Variants in OPCML observed in about 807,000 individuals in gnomAD.
OPCML encodes opioid binding protein/cell adhesion molecule like, also known as opioid-binding protein/cell adhesion molecule.
In OPCML, 13 loss-of-function variants were observed where a neutral mutation model predicts 37.8. The ratio of observed to expected loss-of-function variants is 0.34; its 90% confidence interval spans 0.22 to 0.55. The LOEUF (loss-of-function observed/expected upper bound fraction) is 0.55. Among genes scored for constraint, OPCML ranks in the 20% least tolerant of loss-of-function variants. The pLI is 0.91. For missense variants in OPCML, 341 were observed against 435.6 expected, an observed-to-expected ratio of 0.78 and a Z score of 1.93; for synonymous variants, 176 against 168.8, an observed-to-expected ratio of 1.04 and a Z score of -0.33.
At chr11:132,815,914 G>C (rs974381740) in intron 2 of OPCML, among the ~76,000 whole-genome samples, 1 of 152,210 alleles carries the variant, frequency 6.6e-6, no homozygotes, top group Non-Finnish European at 1.5e-5. Flanking sequence ...ATGTGCACAA[G>C]GAAGATAAGA....
rs576159064 is a variant in OPCML at position 133,144,174 on chromosome 11, CAG to C, written c.62-201166_62-201165del. ...ACGAATGCTTCAGTCACTAGAAAAA[CAG>C]GGAAAAAACAGCAGCCCATCTCTGC... is the stretch of plus-strand genomic sequence containing the variant. On this transcript the variant is annotated intron_variant, in intron 1 of 7. Transcript: ENST00000524381. Among the ~76,000 whole-genome samples, 95 of 152,256 alleles carry C rather than the reference CAG, an allele frequency of 6.2e-4. 1 individual carries two copies. In the Middle Eastern group the frequency reaches 0.027, roughly 44 times the overall value.
At chr11:133,484,373 T>C (rs1947484404) in intron 1 of OPCML, among the ~76,000 whole-genome samples, 1 of 152,070 alleles carries the variant, frequency 6.6e-6, no homozygotes. Flanking sequence ...ATATCTAGGT[T>C]TCTAAATTCA....
rs536140976 is a variant in OPCML, at chr11:132,658,014, T to A, written c.147-695A>T. Among the ~76,000 whole-genome samples the A allele has an allele frequency of 5.3e-5, 8 of 152,290 alleles. No individual in the cohort carries two copies. In the East Asian group the frequency reaches 1.5e-3, roughly 29 times the overall value. ...AGGCTATTATCAAAGCAGGGAACTG[T>A]GCAACACCTCTCACCTACTCTCCTT... On this transcript the variant is annotated intron_variant, in intron 2 of 7. Transcript: ENST00000524381.
At position 132,495,177 on chromosome 11, in the gene OPCML, C is replaced by CA. The variant is rs1482847285; in HGVS notation, c.505+33883dup. 5.3e-5 allele frequency among the ~76,000 whole-genome samples: 8 copies of CA among 152,132 alleles called. No homozygotes were observed. The East Asian group carries it at 1.5e-3, about 29-fold the overall frequency. The stretch of plus-strand genomic sequence containing the variant: ...GTAATCCCTTCTGTTCCATTTTACC[C>CA]AAAAAACATTTATTGAGCCTTCATC... On this transcript the variant is annotated intron_variant, in intron 4 of 7. Transcript: ENST00000524381.
At chr11:133,291,828 G>T (rs1400344628) in intron 1 of OPCML, among the ~76,000 whole-genome samples, 1 of 152,294 alleles carries the variant, frequency 6.6e-6, no homozygotes, top group Non-Finnish European at 1.5e-5. Context: ...AAGTTCAGGT[G>T]GTTCTTTTCA....
chr11:132,934,605 A>C (rs1412098714), intron 2 of OPCML, among the ~76,000 whole-genome samples: 1 of 151,930 alleles, frequency 6.6e-6, no homozygotes, highest in Non-Finnish European at 1.5e-5. Context: ...CAGTAATTCC[A>C]CTTGAGGTTT....
intron 1 of OPCML, chr11:133,004,219 T>G: frequency 1.0e-6 from 1 of 985,464 alleles, no homozygotes; most frequent in Non-Finnish European, 1.2e-6. Flanking sequence ...TGAGAGTCAC[T>G]TTCCATTGCC....
rs950932544 is a variant in OPCML at position 133,420,550 on chromosome 11, A to T, written c.61+111714T>A. 3 of 983,300 alleles carry T rather than the reference A, an allele frequency of 3.1e-6. No individual in the cohort carries two copies. In the African/African-American group the frequency reaches 5.2e-5, roughly 17 times the overall value. 60.9% of individuals were successfully genotyped at this position (983,300 alleles called of 1,614,324 possible). ...TTCTAATTTAGATCCATCTGCAAACATCATTAACATGCTATTTACTCCCTC... is the reference window on the plus strand; with the variant it reads ...TTCTAATTTAGATCCATCTGCAAACTTCATTAACATGCTATTTACTCCCTC... On this transcript the variant is annotated intron_variant, in intron 1 of 7. Transcript: ENST00000524381.
chr11:133,498,420 G>A (rs1169649058), intron 1 of OPCML, among the ~76,000 whole-genome samples: 3 of 152,182 alleles, frequency 2.0e-5, no homozygotes, highest in South Asian at 2.1e-4. Flanking sequence ...GGACACAGAC[G>A]AGACCCAGAA....
intron 1 of OPCML, among the ~76,000 whole-genome samples, chr11:133,495,221 C>A (rs905586200): frequency 3.9e-5 from 6 of 152,222 alleles, no homozygotes; most frequent in Admixed American, 2.0e-4. Flanking sequence ...CAGGTCACTG[C>A]AAATGCCATT....
intron 1 of OPCML, among the ~76,000 whole-genome samples, chr11:133,207,883 A>G (rs1939164739): frequency 6.6e-6 from 1 of 152,024 alleles, no homozygotes; most frequent in Non-Finnish European, 1.5e-5. Flanking sequence ...TCTACTGTGG[A>G]CTTTTTGGAC....
intron 2 of OPCML, among the ~76,000 whole-genome samples, chr11:132,825,474 A>G (rs1260025999): frequency 2.0e-5 from 3 of 152,176 alleles, no homozygotes; most frequent in African/African-American, 7.2e-5. Context: ...GAACCCATCT[A>G]TGCCTCCATT....
intron 3 of OPCML, among the ~76,000 whole-genome samples, chr11:132,654,892 G>C (rs1034012130): frequency 1.3e-5 from 2 of 151,648 alleles, no homozygotes; most frequent in Non-Finnish European, 1.5e-5. Flanking sequence ...CAGAGGGCTG[G>C]AGCCAGAGAG....
intron 2 of OPCML, among the ~76,000 whole-genome samples, chr11:132,787,009 T>C (rs1947236483): frequency 6.6e-6 from 1 of 152,132 alleles, no homozygotes. Flanking sequence ...AGAAGGCCTG[T>C]CAAACACAGA....
At chr11:133,385,512 C>G (rs1945026048) in intron 1 of OPCML, among the ~76,000 whole-genome samples, 1 of 152,194 alleles carries the variant, frequency 6.6e-6, no homozygotes, top group Non-Finnish European at 1.5e-5. Flanking sequence ...CCCCATTTTC[C>G]AGCCTGGTGC....
chr11:133,206,204 T>C lies in OPCML; in HGVS notation c.62-263194A>G, dbSNP rs1230833300. ...GCTTCCCATGGTGCCTAAAACGTCA[T>C]CAATGCTCAATGAATGCGAGCAGTA... is the stretch of plus-strand genomic sequence containing the variant. On this transcript the variant is annotated intron_variant, in intron 1 of 7. Coordinates refer to ENST00000524381, the MANE Select transcript of OPCML (RefSeq NM_001012393.5). The surrounding 1 kb of genome is among the most constrained non-coding windows in gnomAD (Gnocchi z 4.7). Among the ~76,000 whole-genome samples, 1 of 152,172 alleles carries C rather than the reference T, an allele frequency of 6.6e-6. No individual in the cohort carries two copies. The highest frequency in any genetic ancestry group is 1.5e-5 in the Non-Finnish European group (1 of 68,018).
chr11:133,374,840 A>T (rs1944762613), intron 1 of OPCML, among the ~76,000 whole-genome samples: 1 of 152,014 alleles, frequency 6.6e-6, no homozygotes. Flanking sequence ...TCTTTCTCCC[A>T]CTGCCCACTT....
intron 3 of OPCML, among the ~76,000 whole-genome samples, chr11:132,542,534 C>T (rs2096359329): frequency 6.6e-6 from 1 of 152,154 alleles, no homozygotes; most frequent in Admixed American, 6.5e-5. Flanking sequence ...CACCCAACCT[C>T]TCTGAGCCTC....
intron 1 of OPCML, among the ~76,000 whole-genome samples, chr11:133,336,807 T>A (rs1441537858): frequency 2.6e-5 from 4 of 152,190 alleles, no homozygotes; most frequent in Non-Finnish European, 4.4e-5. Context: ...GAGGACTTCT[T>A]CCTCCCCATT....
Sources: gnomAD v4.1 joint callset for allele counts (sites outside exome capture counted in the v4.1 genomes callset) on GRCh38, gnomAD v4.1.1 for gene constraint, Gnocchi (gnomAD v3.1) non-coding constraint, MANE v1.5 for transcripts, NCBI Gene and HGNC (gene_info 2026-07-23, HGNC 2026-07-21) for gene names.